Variants in CELF2 observed in about 807,000 individuals in gnomAD.
CELF2 encodes the protein CUG triplet repeat RNA-binding protein 2.
Under a neutral mutation model 62.6 loss-of-function variants are expected in CELF2, and 8 were observed. The observed-to-expected ratio is 0.13, with a 90% CI of 0.07 to 0.23. The LOEUF is 0.23. CELF2 is among the 10% of genes least tolerant of loss of function. CELF2 has a pLI of 1.00. For synonymous variants in CELF2, 258 were observed against 250.0 expected (o/e 1.03, Z -0.30); for missense variants, 333 against 671.0 (o/e 0.50, Z 5.56).
intron 1 of CELF2, among the ~76,000 whole-genome samples, chr10:10,851,530 G>A (rs568227965): frequency 6.0e-4 from 92 of 152,272 alleles, no homozygotes; most frequent in African/African-American, 2.1e-3. Flanking sequence ...CCTTGTGTAG[G>A]CAAAGATTTC....
intron 2 of CELF2, among the ~76,000 whole-genome samples, chr10:10,977,484 C>T (rs2051485499): frequency 6.6e-6 from 1 of 152,046 alleles, no homozygotes; most frequent in Non-Finnish European, 1.5e-5. Context: ...TATTTAAACC[C>T]AGAATGTCAG....
the CELF2 span, chr10:10,784,609 C>T: frequency 6.6e-6 from 1 of 152,430 alleles, no homozygotes; most frequent in Non-Finnish European, 1.5e-5. Context: ...TGTTCAGTCA[C>T]TCCTTCTCTT....
intron 2 of CELF2, among the ~76,000 whole-genome samples, chr10:11,192,098 C>T (rs1326703525): frequency 6.6e-6 from 1 of 152,220 alleles, no homozygotes; most frequent in Admixed American, 6.5e-5. Context: ...AGCTGTCCCA[C>T]CTGCTCAGCT....
At position 11,191,408 on chromosome 10, in the gene CELF2, A is replaced by G. The variant is rs370904626; in HGVS notation, c.271+25726A>G. On this transcript the variant is annotated intron_variant, in intron 2 of 12. Coordinates refer to ENST00000633077, the MANE Select transcript of CELF2 (RefSeq NM_001326342.2). The surrounding 1 kb of genome is among the most constrained non-coding windows in gnomAD (Gnocchi z 4.1). The stretch of plus-strand genomic sequence containing the variant: ...ACCCGTCCTCTATTGTGTGGGAGGT[A>G]CCCCAGGCAATGAAACGGAGAGGTG... Among the ~76,000 whole-genome samples, 11 of 152,088 alleles carry G rather than the reference A, an allele frequency of 7.2e-5. No individual in the cohort carries two copies. In the East Asian group the frequency reaches 7.7e-4, roughly 11 times the overall value.
the CELF2 span, among the ~76,000 whole-genome samples, chr10:10,574,872 G>GCTTTTTTT: frequency 9.4e-6 from 1 of 105,980 alleles, no homozygotes; most frequent in African/African-American, 3.2e-5. Flanking sequence ...ACCATGCCTG[G>GCTTTTTTT]TTTTTTTTTT....
chr10:11,233,936 C>G (rs898471209), intron 3 of CELF2, among the ~76,000 whole-genome samples: 2 of 152,166 alleles, frequency 1.3e-5, no homozygotes, highest in African/African-American at 4.8e-5. Context: ...TACATCACCC[C>G]CTACACCCAC....
chr10:10,569,721 G>A, the CELF2 span, among the ~76,000 whole-genome samples: 2 of 152,268 alleles, frequency 1.3e-5, no homozygotes, highest in Non-Finnish European at 2.9e-5. Flanking sequence ...GTTTCCAGGT[G>A]GACTTCTTGG....
chr10:11,262,144 C>T (rs923705762), intron 5 of CELF2, among the ~76,000 whole-genome samples: 1 of 152,198 alleles, frequency 6.6e-6, no homozygotes, highest in Non-Finnish European at 1.5e-5. Flanking sequence ...CAACATTCCC[C>T]TGCCAAAACC....
chr10:10,805,555 G>A (rs1564645281), intron 1 of CELF2, among the ~76,000 whole-genome samples: 1 of 152,168 alleles, frequency 6.6e-6, no homozygotes, highest in Non-Finnish European at 1.5e-5. Flanking sequence ...CACTTGAAGG[G>A]GAATGGAATG....
the CELF2 span, among the ~76,000 whole-genome samples, chr10:10,523,504 G>A: frequency 6.6e-6 from 1 of 152,132 alleles, no homozygotes. Context: ...TTATGACTGG[G>A]GAGGTGGTGA....
chr10:10,571,550 G>A, the CELF2 span, among the ~76,000 whole-genome samples: 2 of 152,070 alleles, frequency 1.3e-5, no homozygotes, highest in Non-Finnish European at 2.9e-5. Context: ...TTTGTACCAA[G>A]CAGTAATAAT....
At chr10:11,144,101 T>C (rs1448570740) in intron 1 of CELF2, among the ~76,000 whole-genome samples, 1 of 152,116 alleles carries the variant, frequency 6.6e-6, no homozygotes, top group Admixed American at 6.5e-5. Context: ...ATGGACATTA[T>C]CTAGTGAAAA....
At chr10:10,680,439 C>CGA in the CELF2 span, among the ~76,000 whole-genome samples, 1 of 152,138 alleles carries the variant, frequency 6.6e-6, no homozygotes, top group Non-Finnish European at 1.5e-5. Flanking sequence ...GTTCCAAGAG[C>CGA]GAGGCTTCTA....
At chr10:10,895,169 T>G (rs181328980) in intron 1 of CELF2, among the ~76,000 whole-genome samples, 39 of 152,122 alleles carry the variant, frequency 2.6e-4, no homozygotes, top group African/African-American at 9.4e-4. Flanking sequence ...ACCCAGGAGA[T>G]CAAACCCCTG....
At chr10:10,572,520 CT>C in the CELF2 span, among the ~76,000 whole-genome samples, 1 of 151,902 alleles carries the variant, frequency 6.6e-6, no homozygotes, top group East Asian at 1.9e-4. Context: ...CCCACCTCCC[CT>C]GACAAGCCCC....
the CELF2 span, among the ~76,000 whole-genome samples, chr10:10,497,401 A>C: frequency 6.6e-6 from 1 of 152,188 alleles, no homozygotes; most frequent in Non-Finnish European, 1.5e-5. Flanking sequence ...GCCAGGCACT[A>C]GGTGCTGAAA....
chr10:11,319,687 G>T lies in CELF2; in HGVS notation c.1097-1502G>T, dbSNP rs878968457. The T allele has an allele frequency of 4.6e-6, 2 of 435,868 alleles. No individual in the cohort carries two copies. The highest frequency in any genetic ancestry group is 1.8e-5 in the South Asian group (1 of 56,860). 27.0% of individuals were successfully genotyped at this position (435,868 alleles called of 1,614,324 possible). On this transcript the variant is annotated intron_variant, in intron 10 of 12. Transcript: ENST00000633077. This position sits in a 1 kb window ranked among gnomAD's most constrained non-coding sequence, Gnocchi z 4.4. ...CTCCATTCTCACGCCATTCACACTC[G>T]TCTCGCCACCCCTGCTTGGTGTCTG... is the stretch of plus-strand genomic sequence containing the variant.
intron 1 of CELF2, among the ~76,000 whole-genome samples, chr10:11,142,554 G>A (rs113852018): frequency 6.6e-6 from 1 of 151,738 alleles, no homozygotes; most frequent in Non-Finnish European, 1.5e-5. Flanking sequence ...GCATGGTGGC[G>A]GCGCCTGTAA....
chr10:10,566,419 A>ATTTTTTTTTTTTTTTTTTT, the CELF2 span, among the ~76,000 whole-genome samples: 1 of 136,490 alleles, frequency 7.3e-6, no homozygotes, highest in African/African-American at 2.6e-5. Context: ...TTTTTTTTTA[A>ATTTTTTTTTTTTTTTTTTT]TTTTTTTTTT....
Sources: gnomAD v4.1 joint callset for allele counts (sites outside exome capture counted in the v4.1 genomes callset) on GRCh38, gnomAD v4.1.1 for gene constraint, Gnocchi (gnomAD v3.1) non-coding constraint, MANE v1.5 for transcripts, NCBI Gene and HGNC (gene_info 2026-07-23, HGNC 2026-07-21) for gene names.